LRRC7: variants seen among roughly 807,000 people sequenced by gnomAD.
LRRC7 encodes leucine-rich repeat-containing protein 7.
LRRC7 carries 23 observed loss-of-function variants against 175.7 expected under a neutral mutation model. That is an observed-to-expected ratio of 0.13 (90% CI 0.09 to 0.19). The LOEUF (loss-of-function observed/expected upper bound fraction) is 0.19, where lower values mean the gene tolerates loss of function less well. Ranked by LOEUF, LRRC7 falls within the 10% of genes least tolerant of loss-of-function variation. LRRC7 has a pLI of 1.00. For missense variants in LRRC7, 1,354 were observed against 1,904.7 expected (o/e 0.71, Z 5.38); for synonymous variants, 685 against 680.9 (o/e 1.01, Z -0.09).
intron 1 of LRRC7, among the ~76,000 whole-genome samples, chr1:69,594,551 C>T (rs1314276040): frequency 2.0e-5 from 3 of 152,110 alleles, no homozygotes; most frequent in Non-Finnish European, 4.4e-5. Context: ...TATTACCTGC[C>T]TCTTGGGGCT....
chr1:70,029,426 T>C (rs1346541253), intron 18 of LRRC7, among the ~76,000 whole-genome samples: 2 of 151,974 alleles, frequency 1.3e-5, no homozygotes, highest in African/African-American at 4.8e-5. Flanking sequence ...AAAATAAGCA[T>C]AGTGTGCACA....
At chr1:70,001,513 C>T (rs1318083023) in intron 11 of LRRC7, among the ~76,000 whole-genome samples, 1 of 152,018 alleles carries the variant, frequency 6.6e-6, no homozygotes, top group Non-Finnish European at 1.5e-5. Flanking sequence ...TCATAAATGG[C>T]CAAACGATTT....
Position 70,138,010 on chromosome 1 carries a change from G to A in LRRC7, c.*16123G>A, listed in dbSNP as rs867737794. Reference sequence around the variant, plus strand: ...AGGATTAGCCTAGATGTAGAACAGCGACTGTATAATAAAGTTGAGTTCAAA... The same window carrying A: ...AGGATTAGCCTAGATGTAGAACAGCAACTGTATAATAAAGTTGAGTTCAAA... On this transcript the variant is annotated 3_prime_UTR_variant, in exon 27 of 27. Coordinates refer to ENST00000651989, the MANE Select transcript of LRRC7 (RefSeq NM_001370785.2). The A allele has an allele frequency of 6.6e-6, 1 of 152,190 alleles. No homozygotes were observed. The highest frequency in any genetic ancestry group is 1.5e-5 in the Non-Finnish European group (1 of 68,040). 9.4% of individuals were successfully genotyped at this position (152,190 alleles called of 1,614,324 possible).
At chr1:70,090,675 G>T (rs775103326) in intron 25 of LRRC7, among the ~76,000 whole-genome samples, 89 of 152,040 alleles carry the variant, frequency 5.9e-4, no homozygotes, top group Non-Finnish European at 1.1e-3. Context: ...ACTTTAGGAT[G>T]ATGAAGAAGG....
chr1:69,621,317 G>T (rs186004798), intron 1 of LRRC7, among the ~76,000 whole-genome samples: 1 of 152,122 alleles, frequency 6.6e-6, no homozygotes, highest in African/African-American at 2.4e-5. Context: ...AAGTGCTGGG[G>T]TAATAGGAGT....
chr1:69,653,436 T>C (rs1656157530), intron 1 of LRRC7, among the ~76,000 whole-genome samples: 1 of 152,030 alleles, frequency 6.6e-6, no homozygotes, highest in African/African-American at 2.4e-5. Context: ...TCACCTCTTA[T>C]CTGTCAAGAT....
chr1:69,673,845 C>T (rs147646770), intron 1 of LRRC7, among the ~76,000 whole-genome samples: 121 of 151,766 alleles, frequency 8.0e-4, no homozygotes, highest in African/African-American at 2.8e-3. Context: ...TTGTTTTGGC[C>T]CCAGTTATCT....
At chr1:69,902,382 C>T (rs1290186699) in intron 7 of LRRC7, among the ~76,000 whole-genome samples, 4 of 152,080 alleles carry the variant, frequency 2.6e-5, no homozygotes, top group African/African-American at 9.7e-5. Flanking sequence ...CCAGCCTGGG[C>T]AACGTGGTAA....
intron 1 of LRRC7, among the ~76,000 whole-genome samples, chr1:69,597,376 T>C (rs529572209): frequency 1.4e-4 from 22 of 152,280 alleles, no homozygotes; most frequent in African/African-American, 5.3e-4. Flanking sequence ...TGAAGAATCA[T>C]TACATGAGTT....
At chr1:69,713,874 C>T (rs1418548457) in intron 2 of LRRC7, among the ~76,000 whole-genome samples, 1 of 151,960 alleles carries the variant, frequency 6.6e-6, no homozygotes, top group Non-Finnish European at 1.5e-5. Context: ...TGGCTGAATG[C>T]TTGTGTATCA....
chr1:69,671,489 C>A (rs1178448131), intron 1 of LRRC7, among the ~76,000 whole-genome samples: 9 of 152,136 alleles, frequency 5.9e-5, no homozygotes, highest in Non-Finnish European at 4.4e-5. Flanking sequence ...AGACACATTC[C>A]CTTAGCCAAC....
Position 70,142,778 on chromosome 1 carries a change from G to T in LRRC7, c.*20891G>T. The T allele has an allele frequency of 6.6e-6, 1 of 151,934 alleles. No homozygotes were observed. Among genetic ancestry groups the T allele is most frequent in the Non-Finnish European group, 1.5e-5 (1 of 67,942 alleles). 9.4% of individuals were successfully genotyped at this position (151,934 alleles called of 1,614,324 possible). ...TAAGAAAACCATAACATGAACTAGG[G>T]TCTTTCTATTCAAAAAAGAAATATT... is the stretch of plus-strand genomic sequence containing the variant. On this transcript the variant is annotated 3_prime_UTR_variant, in exon 27 of 27. Transcript: ENST00000651989.
At chr1:69,939,553 G>A (rs2025896) in intron 8 of LRRC7, among the ~76,000 whole-genome samples, 59,268 of 151,910 alleles carry the variant, frequency 0.39, 12,821 homozygotes, top group East Asian at 0.55. Flanking sequence ...CAAAATGGCA[G>A]TGTGGCTAAC....
At chr1:69,867,293 C>T (rs1685050381) in intron 7 of LRRC7, among the ~76,000 whole-genome samples, 1 of 152,086 alleles carries the variant, frequency 6.6e-6, no homozygotes, top group East Asian at 1.9e-4. Flanking sequence ...TACACAGACT[C>T]ACAACTAATA....
chr1:69,906,547 T>C (rs1252229824), intron 7 of LRRC7, among the ~76,000 whole-genome samples: 1 of 152,182 alleles, frequency 6.6e-6, no homozygotes, highest in African/African-American at 2.4e-5. Context: ...TTTTCTCAGG[T>C]TTGTCAAAGA....
chr1:69,899,433 G>A (rs546871539), intron 7 of LRRC7, among the ~76,000 whole-genome samples: 1 of 152,258 alleles, frequency 6.6e-6, no homozygotes. Flanking sequence ...ATGCCAGGGA[G>A]CCAATAAAAA....
intron 7 of LRRC7, among the ~76,000 whole-genome samples, chr1:69,841,822 G>C (rs1384805609): frequency 6.6e-6 from 1 of 152,076 alleles, no homozygotes; most frequent in Non-Finnish European, 1.5e-5. Flanking sequence ...TCTGTCATGT[G>C]ACCTTGACAT....
intron 1 of LRRC7, among the ~76,000 whole-genome samples, chr1:69,667,499 G>T (rs560894171): frequency 8.6e-5 from 13 of 152,008 alleles, no homozygotes; most frequent in Non-Finnish European, 2.9e-5. Flanking sequence ...TACTGGATGC[G>T]TATTTATTTA....
chr1:69,909,449 C>A (rs1160535037), intron 7 of LRRC7, among the ~76,000 whole-genome samples: 7 of 152,030 alleles, frequency 4.6e-5, no homozygotes, highest in Admixed American at 4.6e-4. Flanking sequence ...TTCAGGAGGT[C>A]TTTTAGGGCA....
Sources: allele counts gnomAD v4.1 joint callset (sites outside exome capture counted in the v4.1 genomes callset), GRCh38; gene constraint gnomAD v4.1.1; transcripts MANE v1.5; gene names NCBI Gene and HGNC (gene_info 2026-07-23, HGNC 2026-07-21).